BMPR1B: variants seen among roughly 807,000 people sequenced by gnomAD.
BMPR1B encodes the protein bone morphogenetic protein receptor type 1B.
Under a neutral mutation model 59.1 loss-of-function variants are expected in BMPR1B, and 12 were observed. The observed-to-expected ratio is 0.20, with a 90% CI of 0.13 to 0.33. The LOEUF is 0.33. BMPR1B is among the 10% of genes least tolerant of loss of function. The pLI is 1.00. For missense variants in BMPR1B, 550 were observed against 610.9 expected, an observed-to-expected ratio of 0.90 and a Z score of 1.05; for synonymous variants, 237 against 207.3, an observed-to-expected ratio of 1.14 and a Z score of -1.23.
At chr4:94,770,683 T>A (rs1031661000) in intron 1 of BMPR1B, among the ~76,000 whole-genome samples, 1 of 152,114 alleles carries the variant, frequency 6.6e-6, no homozygotes, top group African/African-American at 2.4e-5. Flanking sequence ...GTTTATGGTT[T>A]TCCTGCCAAA....
At chr4:95,037,620 A>C (rs758062719) in intron 3 of BMPR1B, among the ~76,000 whole-genome samples, 5 of 152,182 alleles carry the variant, frequency 3.3e-5, no homozygotes, top group Non-Finnish European at 7.4e-5. Context: ...AGAGTTATGT[A>C]AGGATGAAAA....
At chr4:94,957,249 G>GTA (rs1301339556) in intron 2 of BMPR1B, among the ~76,000 whole-genome samples, 1 of 151,522 alleles carries the variant, frequency 6.6e-6, no homozygotes. Context: ...TTCCATGGCG[G>GTA]TATATGAGGT....
At chr4:94,968,087 TTTTC>T (rs1474420065) in intron 2 of BMPR1B, among the ~76,000 whole-genome samples, 1 of 152,196 alleles carries the variant, frequency 6.6e-6, no homozygotes, top group Non-Finnish European at 1.5e-5. Context: ...TTCAGGGACT[TTTTC>T]TTTCTTTTTC....
intron 1 of BMPR1B, among the ~76,000 whole-genome samples, chr4:94,767,782 A>G (rs1481020669): frequency 6.6e-6 from 1 of 152,118 alleles, no homozygotes; most frequent in Non-Finnish European, 1.5e-5. Flanking sequence ...TCCTTGCTTC[A>G]GTCATCAAAC....
rs60122830 is a variant in BMPR1B at position 94,820,787 on chromosome 4, A to C, written c.-182-55044A>C. ...CTAAAAACTTCATGAATTAGAAGAC[A>C]TGTAAATTTTAAACTGGTTAGAAAG... On this transcript the variant is annotated intron_variant, in intron 1 of 12. Transcript: ENST00000515059. Among the ~76,000 whole-genome samples, 424 of 152,366 alleles carry C rather than the reference A, an allele frequency of 2.8e-3. 11 individuals carry two copies. In the East Asian group the frequency reaches 0.06, roughly 22 times the overall value.
At chr4:95,066,679 G>T (rs564086242) in intron 3 of BMPR1B, among the ~76,000 whole-genome samples, 1 of 152,278 alleles carries the variant, frequency 6.6e-6, no homozygotes, top group South Asian at 2.1e-4. Context: ...TTTTCAAATT[G>T]TGGTCCCTGC....
At chr4:94,775,633 T>C (rs1479913177) in intron 1 of BMPR1B, among the ~76,000 whole-genome samples, 1 of 152,234 alleles carries the variant, frequency 6.6e-6, no homozygotes, top group Non-Finnish European at 1.5e-5. Context: ...TTAGTGAAGC[T>C]TGAATAGATT....
At chr4:94,788,182 T>C (rs1324092675) in intron 1 of BMPR1B, among the ~76,000 whole-genome samples, 1 of 152,120 alleles carries the variant, frequency 6.6e-6, no homozygotes, top group Non-Finnish European at 1.5e-5. Context: ...TGAGGAACAC[T>C]TTAGCCACAG....
Position 95,154,681 on chromosome 4 carries a change from G to A in BMPR1B, c.*8G>A. On this transcript the variant is annotated 3_prime_UTR_variant, in exon 13 of 13. Coordinates refer to ENST00000515059, the MANE Select transcript of BMPR1B (RefSeq NM_001203.3). ...CAGGACATTAAACTCTGATAGGAGAGGAAAAGTAAGCATCTCTGCAGAAAG... is the reference window on the plus strand; with the variant it reads ...CAGGACATTAAACTCTGATAGGAGAAGAAAAGTAAGCATCTCTGCAGAAAG... 3.1e-6 allele frequency: 5 copies of A among 1,613,938 alleles called. No individual in the cohort carries two copies. The highest frequency in any genetic ancestry group is 4.2e-6 in the Non-Finnish European group (5 of 1,179,884).
chr4:95,060,156 C>T (rs534821140), intron 3 of BMPR1B, among the ~76,000 whole-genome samples: 1 of 152,080 alleles, frequency 6.6e-6, no homozygotes, highest in Non-Finnish European at 1.5e-5. Context: ...CCCAATACCC[C>T]ATTTTGAAAC....
chr4:94,860,758 T>C (rs921057148), intron 1 of BMPR1B, among the ~76,000 whole-genome samples: 3 of 152,260 alleles, frequency 2.0e-5, no homozygotes, highest in African/African-American at 4.8e-5. Flanking sequence ...AGTCTTCTTA[T>C]GTAGACATTT....
chr4:94,900,162 C>A (rs916187412), intron 2 of BMPR1B, among the ~76,000 whole-genome samples: 1 of 151,366 alleles, frequency 6.6e-6, no homozygotes, highest in African/African-American at 2.4e-5. Context: ...CCAGTCATAA[C>A]ATTCCATGCT....
intron 1 of BMPR1B, among the ~76,000 whole-genome samples, chr4:94,795,086 C>A: frequency 7.1e-6 from 1 of 140,700 alleles, no homozygotes; most frequent in South Asian, 2.5e-4. Context: ...GAGGGCATCC[C>A]TGTCTTGTGC....
At chr4:94,855,012 A>G (rs781626553) in intron 1 of BMPR1B, among the ~76,000 whole-genome samples, 18 of 152,208 alleles carry the variant, frequency 1.2e-4, no homozygotes, top group African/African-American at 1.7e-4. Flanking sequence ...CCTAACATAT[A>G]TTGGATGGCA....
At position 95,071,648 on chromosome 4, in the gene BMPR1B, G is replaced by GTATATA. The variant is rs1553933769; in HGVS notation, c.-17-32759_-17-32758insATATAT. Reference sequence around the variant, plus strand: ...TATGTGTGTTTGTGTGTGTGTGTGTGTGTGTATATATATATATATATATAT... The same window carrying GTATATA: ...TATGTGTGTTTGTGTGTGTGTGTGTGTATATATGTGTATATATATATATATATATAT... On this transcript the variant is annotated intron_variant, in intron 3 of 12. Transcript: ENST00000515059. 2.9e-3 allele frequency among the ~76,000 whole-genome samples: 300 copies of GTATATA among 104,702 alleles called. 2 individuals are homozygous for GTATATA. Among genetic ancestry groups the GTATATA allele is most frequent in the African/African-American group, 0.011 (281 of 25,108 alleles). 68.7% of individuals were successfully genotyped at this position (104,702 alleles called of 152,430 possible). A position where few individuals can be genotyped will look rare whatever the true frequency, so the allele number is the denominator to read the frequency against.
chr4:94,943,600 A>G (rs1351065806), intron 2 of BMPR1B, among the ~76,000 whole-genome samples: 3 of 152,166 alleles, frequency 2.0e-5, no homozygotes, highest in Admixed American at 6.5e-5. Flanking sequence ...TAAGGCTTAG[A>G]TATTATTTTG....
At chr4:94,934,570 G>A (rs181218868) in intron 2 of BMPR1B, among the ~76,000 whole-genome samples, 478 of 151,452 alleles carry the variant, frequency 3.2e-3, no homozygotes, top group Non-Finnish European at 5.9e-3. Context: ...TCAGTGCCAG[G>A]ATACGACTGA....
chr4:94,846,786 C>T (rs1013492651), intron 1 of BMPR1B, among the ~76,000 whole-genome samples: 8 of 151,552 alleles, frequency 5.3e-5, no homozygotes, highest in Middle Eastern at 3.4e-3. Flanking sequence ...ATACAGTATA[C>T]GAACATCAAA....
At chr4:94,844,662 C>T (rs946120742) in intron 1 of BMPR1B, among the ~76,000 whole-genome samples, 1 of 91,148 alleles carries the variant, frequency 1.1e-5, no homozygotes, top group African/African-American at 6.5e-5. Flanking sequence ...TTATGTCTGC[C>T]TGACTTCCCC....
Sources: gnomAD v4.1 joint callset for allele counts (sites outside exome capture counted in the v4.1 genomes callset) on GRCh38, gnomAD v4.1.1 for gene constraint, MANE v1.5 for transcripts, NCBI Gene and HGNC (gene_info 2026-07-23, HGNC 2026-07-21) for gene names.